SRGAP1: variants seen among roughly 807,000 people sequenced by gnomAD.
The protein encoded by SRGAP1 is SLIT-ROBO Rho GTPase-activating protein 1.
A neutral mutation model predicts 121.9 loss-of-function variants in SRGAP1; 43 were observed. That is an observed-to-expected ratio of 0.35 (90% CI 0.28 to 0.46). SRGAP1 has a LOEUF of 0.46. SRGAP1 is among the 20% of genes least tolerant of loss of function. The probability of loss-of-function intolerance (pLI) is 1.00; values close to 1 mark genes in which losing one functional copy is unlikely to be tolerated. For missense variants in SRGAP1, 1,102 were observed against 1,350.9 expected, an observed-to-expected ratio of 0.82 and a Z score of 2.89; for synonymous variants, 447 against 485.4, an observed-to-expected ratio of 0.92 and a Z score of 1.04.
chr12:63,953,185 T>A (rs1287367274), intron 1 of SRGAP1, among the ~76,000 whole-genome samples: 1 of 152,146 alleles, frequency 6.6e-6, no homozygotes, highest in Non-Finnish European at 1.5e-5. Flanking sequence ...AAGTGGCTGC[T>A]GATAGTGTGA....
intron 18 of SRGAP1, among the ~76,000 whole-genome samples, chr12:64,121,116 T>C (rs1009409360): frequency 6.6e-6 from 1 of 151,088 alleles, no homozygotes; most frequent in Admixed American, 6.6e-5. Context: ...TGGGGCCAAG[T>C]GATCCTCCCA....
chr12:63,906,017 G>A (rs1217392554), intron 1 of SRGAP1, among the ~76,000 whole-genome samples: 2 of 152,042 alleles, frequency 1.3e-5, no homozygotes, highest in Non-Finnish European at 2.9e-5. Flanking sequence ...CTAAAAGTTG[G>A]CCCCCTCATC....
intron 18 of SRGAP1, among the ~76,000 whole-genome samples, chr12:64,121,809 A>G (rs2036609772): frequency 6.7e-6 from 1 of 148,908 alleles, no homozygotes; most frequent in Non-Finnish European, 1.5e-5. Context: ...TGTGTTTTAG[A>G]TAACATTTTG....
At chr12:63,854,212 A>ATTTGTTTTCTG (rs1899165111) in intron 1 of SRGAP1, among the ~76,000 whole-genome samples, 1 of 152,166 alleles carries the variant, frequency 6.6e-6, no homozygotes, top group Non-Finnish European at 1.5e-5. Flanking sequence ...CTTAGTATTA[A>ATTTGTTTTCTG]TAATTCCTTT....
intron 1 of SRGAP1, among the ~76,000 whole-genome samples, chr12:63,920,408 G>A (rs2030994828): frequency 6.6e-6 from 1 of 152,164 alleles, no homozygotes; most frequent in Admixed American, 6.5e-5. Context: ...TGTGAATAAA[G>A]AGAAGTGAGC....
chr12:63,985,290 G>A (rs1362115641), intron 2 of SRGAP1, among the ~76,000 whole-genome samples: 3 of 152,168 alleles, frequency 2.0e-5, no homozygotes, highest in South Asian at 2.1e-4. Context: ...AATGTACCAC[G>A]CCTGGCTAAG....
intron 1 of SRGAP1, among the ~76,000 whole-genome samples, chr12:63,917,233 T>C (rs2030820569): frequency 1.3e-5 from 2 of 152,166 alleles, no homozygotes; most frequent in South Asian, 4.1e-4. Context: ...AAAGCGTTAT[T>C]ATTGTTATGA....
chr12:63,993,022 G>A (rs1422756432), intron 3 of SRGAP1, among the ~76,000 whole-genome samples: 2 of 152,116 alleles, frequency 1.3e-5, no homozygotes, highest in Non-Finnish European at 2.9e-5. Flanking sequence ...CTTCCCATCT[G>A]TGTTATTGCT....
chr12:64,078,936 A>C lies in SRGAP1; in HGVS notation c.1143A>C (p.Glu381Asp), dbSNP rs759738800. 6.2e-7 allele frequency: 1 copy of C among 1,613,612 alleles called. No homozygotes were observed. Among genetic ancestry groups the C allele is most frequent in the African/African-American group, 1.3e-5 (1 of 74,926 alleles). ...ATTCCCAGGTTAAGAAAACGACTGA[A>C]GCCACCTTGCAGACGATACAAGATA... ...IENEEVKKTT[E>D]ATLQTIQDMV... The change falls in exon 9 of 22, where the codon GAA (glutamate) becomes GAC (aspartate). Residue 381 changes from glutamate (E) to aspartate (D), a missense_variant. Physicochemically the swap from Glu to Asp is conservative, Grantham distance 45 (BLOSUM62 2). Around this residue, in one of 3 missense-constraint regions of SRGAP1, gnomAD observed 747 missense variants for 929.4 expected, o/e 0.80. Transcript: ENST00000355086.
chr12:64,140,974 G>A (rs1220201326), intron 21 of SRGAP1, among the ~76,000 whole-genome samples: 3 of 117,378 alleles, frequency 2.6e-5, no homozygotes, highest in Non-Finnish European at 5.1e-5. Context: ...CCTTTGTAGG[G>A]ACATGGATGA....
intron 1 of SRGAP1, among the ~76,000 whole-genome samples, chr12:63,859,492 CT>C (rs1225780480): frequency 3.7e-4 from 56 of 152,082 alleles, no homozygotes; most frequent in African/African-American, 1.2e-3. Context: ...GTTGGTTTTT[CT>C]TCTCTGTTTT....
intron 15 of SRGAP1, among the ~76,000 whole-genome samples, chr12:64,101,350 T>TGA (rs1555174274): frequency 2.7e-5 from 4 of 150,310 alleles, no homozygotes; most frequent in South Asian, 2.1e-4. Flanking sequence ...TGTGTGTGTG[T>TGA]GATGAGTAGT....
At chr12:63,980,690 T>A (rs1259544835) in intron 1 of SRGAP1, among the ~76,000 whole-genome samples, 1 of 151,310 alleles carries the variant, frequency 6.6e-6, no homozygotes, top group African/African-American at 2.4e-5. Flanking sequence ...ATCTGCTGGG[T>A]TCAAGCAATT....
rs1005873683 is a variant in SRGAP1 at position 64,058,147 on chromosome 12, C to T, written c.802-4770C>T. 8.5e-5 allele frequency among the ~76,000 whole-genome samples: 13 copies of T among 152,298 alleles called. No homozygotes were observed. The South Asian group carries it at 2.1e-3, about 24-fold the overall frequency. ...ACTCTCAGCATTTGTCACAGTCCTC[C>T]ATACAGATGGTCCTCAACTTACACT... On this transcript the variant is annotated intron_variant, in intron 6 of 21. Transcript: ENST00000355086.
chr12:64,016,928 C>T, intron 3 of SRGAP1, 22 bp from the exon 4 acceptor site: 1 of 1,347,448 alleles, frequency 7.4e-7, no homozygotes, highest in Non-Finnish European at 1.0e-6. Context: ...TTAAAATATT[C>T]TTTTTTATTT....
At chr12:63,975,619 G>A (rs2033072466) in intron 1 of SRGAP1, among the ~76,000 whole-genome samples, 2 of 151,692 alleles carry the variant, frequency 1.3e-5, no homozygotes, top group African/African-American at 2.4e-5. Context: ...TCAGAATTTT[G>A]TGCGTGTTTT....
At chr12:63,998,095 G>A (rs1297883959) in intron 3 of SRGAP1, among the ~76,000 whole-genome samples, 1 of 152,016 alleles carries the variant, frequency 6.6e-6, no homozygotes, top group Non-Finnish European at 1.5e-5. Context: ...ATCCCTTTGT[G>A]ACATACTATA....
intron 1 of SRGAP1, among the ~76,000 whole-genome samples, chr12:63,861,995 C>A (rs1413121521): frequency 6.6e-6 from 1 of 152,020 alleles, no homozygotes; most frequent in Non-Finnish European, 1.5e-5. Flanking sequence ...GTGGCGCATG[C>A]CTGTAATCCC....
intron 1 of SRGAP1, among the ~76,000 whole-genome samples, chr12:63,932,155 C>A (rs980369014): frequency 1.3e-5 from 2 of 152,154 alleles, no homozygotes; most frequent in Non-Finnish European, 2.9e-5. Context: ...GTGGCACATG[C>A]CTGTAATCCC....
Sources: gnomAD v4.1 joint callset for allele counts (sites outside exome capture counted in the v4.1 genomes callset) on GRCh38, gnomAD v4.1.1 for gene constraint, gnomAD v4.1.1 regional missense constraint, MANE v1.5 for transcripts, NCBI Gene and HGNC (gene_info 2026-07-23, HGNC 2026-07-21) for gene names.